The following NRXN2 variants were observed in gnomAD, a reference collection of about 807,000 sequenced individuals.
The protein encoded by NRXN2 is neurexin-2-beta.
Under a neutral mutation model 128.8 loss-of-function variants are expected in NRXN2, and 29 were observed. The observed-to-expected ratio is 0.23, with a 90% CI of 0.17 to 0.31. The LOEUF (loss-of-function observed/expected upper bound fraction) is 0.31. NRXN2 is among the 10% of genes least tolerant of loss of function. The pLI, the probability that NRXN2 is intolerant of heterozygous loss-of-function variation, is 1.00. For missense variants in NRXN2, 1,881 were observed against 2,452.6 expected, an observed-to-expected ratio of 0.77 and a Z score of 4.92; for synonymous variants, 1,098 against 1,075.2, an observed-to-expected ratio of 1.02 and a Z score of -0.41.
intron 15 of NRXN2, among the ~76,000 whole-genome samples, chr11:64,650,224 G>A (rs1452783366): frequency 6.6e-6 from 1 of 152,004 alleles, no homozygotes; most frequent in Non-Finnish European, 1.5e-5. Context: ...CCTGTGAGAC[G>A]CATCCTGCAA....
intron 20 of NRXN2, among the ~76,000 whole-genome samples, chr11:64,625,422 C>T (rs1488069633): frequency 6.6e-6 from 1 of 152,208 alleles, no homozygotes; most frequent in Admixed American, 6.5e-5. Context: ...TAGGTTTTAG[C>T]GATGTCTGTT....
chr11:64,696,454 C>T (rs1205433057), intron 3 of NRXN2, among the ~76,000 whole-genome samples: 1 of 151,994 alleles, frequency 6.6e-6, no homozygotes, highest in East Asian at 1.9e-4. Context: ...CTCAGGCGTG[C>T]ACACAGACAC....
chr11:64,699,452 T>C (rs1406469169), intron 2 of NRXN2, among the ~76,000 whole-genome samples: 1 of 87,486 alleles, frequency 1.1e-5, no homozygotes, highest in Admixed American at 1.5e-4. Flanking sequence ...TTTTTTGAGA[T>C]GGAGTCTTGC....
chr11:64,676,007 G>A (rs1262791523), intron 7 of NRXN2: 1 of 153,038 alleles, frequency 6.5e-6, no homozygotes, highest in African/African-American at 2.4e-5. Context: ...CCAAACAGAG[G>A]AGCTCGGTGA....
intron 7 of NRXN2, among the ~76,000 whole-genome samples, chr11:64,669,160 A>G (rs1346353648): frequency 2.6e-5 from 4 of 152,190 alleles, no homozygotes; most frequent in African/African-American, 9.7e-5. Context: ...GATGGAAGAT[A>G]GCAGTGTGAG....
chr11:64,707,921 C>A (rs2056507963), intron 2 of NRXN2, among the ~76,000 whole-genome samples: 1 of 152,106 alleles, frequency 6.6e-6, no homozygotes, highest in South Asian at 2.1e-4. Context: ...TGGAGAAACC[C>A]CATCTCTACT....
intron 2 of NRXN2, among the ~76,000 whole-genome samples, chr11:64,709,450 C>A (rs931293503): frequency 6.6e-6 from 1 of 151,792 alleles, no homozygotes; most frequent in Non-Finnish European, 1.5e-5. Context: ...ATTATAAAAG[C>A]TACCTAGGAA....
At chr11:64,647,083 C>T (rs2046794739) in intron 17 of NRXN2, among the ~76,000 whole-genome samples, 1 of 152,082 alleles carries the variant, frequency 6.6e-6, no homozygotes, top group Non-Finnish European at 1.5e-5. Context: ...ATGAAGGTCC[C>T]GCAGTGTGGT....
intron 6 of NRXN2, among the ~76,000 whole-genome samples, chr11:64,683,707 C>T (rs952412725): frequency 3.9e-5 from 6 of 152,150 alleles, no homozygotes; most frequent in Admixed American, 3.9e-4. Context: ...AAGCAGACAC[C>T]CTCTGTGGAC....
Position 64,667,130 on chromosome 11 carries a change from C to T in NRXN2, c.1798+120G>A, listed in dbSNP as rs896088172. ...AGACGTGAGGGGGGTGGAGGAGAAG[C>T]GGCAGGGAAGAATATAGGAAATGGT... On this transcript the variant is annotated intron_variant, in intron 9 of 22. Transcript: ENST00000265459. The surrounding 1 kb of genome is among the most constrained non-coding windows in gnomAD (Gnocchi z 5.6). The T allele has an allele frequency of 4.0e-6, 4 of 1,010,090 alleles. No individual in the cohort carries two copies. The highest frequency in any genetic ancestry group is 6.0e-6 in the Non-Finnish European group (4 of 665,050). The allele number at this position is 1,010,090 out of a possible 1,614,324, so 62.6% of individuals were successfully genotyped here.
At chr11:64,624,942 C>A (rs1429791018) in intron 20 of NRXN2, among the ~76,000 whole-genome samples, 1 of 152,226 alleles carries the variant, frequency 6.6e-6, no homozygotes, top group Non-Finnish European at 1.5e-5. Flanking sequence ...CTCACCCTCA[C>A]AACATGCCTG....
At chr11:64,643,108 G>C in intron 17 of NRXN2, 2 of 985,306 alleles carry the variant, frequency 2.0e-6, no homozygotes, top group Non-Finnish European at 2.4e-6. Context: ...AAACCCGGGG[G>C]AGCGCCCGGG....
chr11:64,642,017 G>A (rs1478507314), intron 17 of NRXN2, among the ~76,000 whole-genome samples: 2 of 152,080 alleles, frequency 1.3e-5, no homozygotes, highest in African/African-American at 4.8e-5. Flanking sequence ...GGTCAAGGAG[G>A]AAGAGACATG....
chr11:64,619,657 C>T (rs2042028547), intron 22 of NRXN2, among the ~76,000 whole-genome samples: 1 of 152,160 alleles, frequency 6.6e-6, no homozygotes, highest in African/African-American at 2.4e-5. Context: ...ACCTCAGGCC[C>T]TAATATTCCC....
intron 2 of NRXN2, among the ~76,000 whole-genome samples, chr11:64,699,866 G>A (rs2055088509): frequency 6.6e-6 from 1 of 152,182 alleles, no homozygotes; most frequent in Admixed American, 6.5e-5. Flanking sequence ...CAGCACAATT[G>A]TCTCACCAGC....
At position 64,622,349 on chromosome 11, in the gene NRXN2, C is replaced by G. The variant is rs1331193880; in HGVS notation, c.4173+404G>C. ...CACAGCAGGGCCAGCCTGGTACCAT[C>G]CATCTCCCACTCTCTGCCCACACAG... On this transcript the variant is annotated intron_variant, in intron 21 of 22. Coordinates refer to ENST00000265459, the MANE Select transcript of NRXN2 (RefSeq NM_015080.4). The surrounding 1 kb of genome is among the most constrained non-coding windows in gnomAD (Gnocchi z 4.3). 6.6e-6 allele frequency among the ~76,000 whole-genome samples: 1 copy of G among 152,218 alleles called. No individual in the cohort carries two copies. The highest frequency in any genetic ancestry group is 2.4e-5 in the African/African-American group (1 of 41,452).
chr11:64,660,234 T>G lies in NRXN2; in HGVS notation c.2389+98A>C. 1.5e-6 allele frequency: 2 copies of G among 1,378,532 alleles called. No individual in the cohort carries two copies. Among genetic ancestry groups the G allele is most frequent in the Non-Finnish European group, 1.0e-6 (1 of 969,250 alleles). The allele number at this position is 1,378,532 out of a possible 1,614,324, so 85.4% of individuals were successfully genotyped here. A position where few individuals can be genotyped will look rare whatever the true frequency, so the allele number is the denominator to read the frequency against. On this transcript the variant is annotated intron_variant, in intron 11 of 22. Transcript: ENST00000265459. This position sits in a 1 kb window ranked among gnomAD's most constrained non-coding sequence, Gnocchi z 5.2. ...ACCTCCAAACTCTGCTGAGGGCACC[T>G]CTTGCTGGTGCCACCACCAGCTTCT...
Position 64,711,458 on chromosome 11 carries a change from G to A in NRXN2, c.730+1512C>T, listed in dbSNP as rs140300363. ...GCCCAGCCAGACCCTAATGGAAGAG[G>A]CTCCTCCCAGTGCTTCCTCTCCTCA... On this transcript the variant is annotated intron_variant, in intron 2 of 22. Coordinates refer to ENST00000265459, the MANE Select transcript of NRXN2 (RefSeq NM_015080.4). Among the ~76,000 whole-genome samples, 1,281 of 152,194 alleles carry A rather than the reference G, an allele frequency of 8.4e-3. 19 individuals carry two copies. The highest frequency in any genetic ancestry group is 0.028 in the African/African-American group (1,163 of 41,516).
intron 20 of NRXN2, among the ~76,000 whole-genome samples, chr11:64,624,505 G>A (rs1375414384): frequency 6.6e-6 from 1 of 152,264 alleles, no homozygotes; most frequent in African/African-American, 2.4e-5. Context: ...ACAAGTCCTG[G>A]AATACCAGAC....
Sources: gnomAD v4.1 joint callset for allele counts (sites outside exome capture counted in the v4.1 genomes callset) on GRCh38, gnomAD v4.1.1 for gene constraint, Gnocchi (gnomAD v3.1) non-coding constraint, MANE v1.5 for transcripts, NCBI Gene and HGNC (gene_info 2026-07-23, HGNC 2026-07-21) for gene names.